FAM114A1: variants seen among roughly 807,000 people sequenced by gnomAD.
The protein encoded by FAM114A1 is family with sequence similarity 114 member A1, also known as protein NOXP20.
In FAM114A1, 62 loss-of-function variants were observed where a neutral mutation model predicts 64.3. The observed-to-expected ratio is 0.96, with a 90% CI of 0.79 to 1.19. The LOEUF is 1.19. FAM114A1 is among the 50% of genes most tolerant of loss of function. The pLI, the probability that FAM114A1 is intolerant of heterozygous loss-of-function variation, is 0.00. For synonymous variants in FAM114A1, 254 were observed against 251.1 expected, an observed-to-expected ratio of 1.01 and a Z score of -0.11; for missense variants, 645 against 676.3, an observed-to-expected ratio of 0.95 and a Z score of 0.51.
chr4:38,937,798 G>A (rs909465378), intron 13 of FAM114A1, among the ~76,000 whole-genome samples: 17 of 152,178 alleles, frequency 1.1e-4, no homozygotes, highest in South Asian at 2.1e-4. Flanking sequence ...GCAGTGGCGC[G>A]ATCTTGGCTC....
chr4:38,939,417 CTATT>C (rs952956544), intron 13 of FAM114A1, among the ~76,000 whole-genome samples: 2 of 152,180 alleles, frequency 1.3e-5, no homozygotes, highest in African/African-American at 4.8e-5. Flanking sequence ...TCTCTAGACT[CTATT>C]TAAATTGCTT....
At position 38,937,756 on chromosome 4, in the gene FAM114A1, A is replaced by G. The variant is rs374123422; in HGVS notation, c.1536+1966A>G. Among the ~76,000 whole-genome samples the G allele has an allele frequency of 7.2e-5, 11 of 152,124 alleles. No homozygotes were observed. In the East Asian group the frequency reaches 1.2e-3, roughly 16 times the overall value. On this transcript the variant is annotated intron_variant, in intron 13 of 14. Coordinates refer to ENST00000358869, the MANE Select transcript of FAM114A1 (RefSeq NM_138389.4). ...GCACACTCTTTTTTTATTTTTTGAA[A>G]CCGTGTCTTGCTCTGTCGCCCAGGC...
chr4:38,886,116 G>A (rs1361168436), intron 3 of FAM114A1, among the ~76,000 whole-genome samples: 1 of 151,884 alleles, frequency 6.6e-6, no homozygotes, highest in African/African-American at 2.4e-5. Flanking sequence ...TAGTGGCACA[G>A]GAGTCTTGCT....
intron 2 of FAM114A1, among the ~76,000 whole-genome samples, chr4:38,871,838 A>G (rs577928636): frequency 1.3e-5 from 2 of 152,342 alleles, no homozygotes; most frequent in East Asian, 1.9e-4. Flanking sequence ...TATAAGCTCA[A>G]GGAAGTCCTA....
At chr4:38,941,141 A>G in intron 14 of FAM114A1, 120 bp downstream of exon 14, 1 of 877,600 alleles carries the variant, frequency 1.1e-6, no homozygotes, top group Non-Finnish European at 1.8e-6. Context: ...TCTCATCATC[A>G]GGTCTTTTTT....
At chr4:38,921,043 C>T (rs538565592) in intron 8 of FAM114A1, among the ~76,000 whole-genome samples, 12 of 152,312 alleles carry the variant, frequency 7.9e-5, no homozygotes, top group South Asian at 6.2e-4. Flanking sequence ...TCAGTTATCC[C>T]GATGTGCTCA....
At chr4:38,877,710 A>G (rs1714784869) in intron 2 of FAM114A1, among the ~76,000 whole-genome samples, 1 of 152,200 alleles carries the variant, frequency 6.6e-6, no homozygotes, top group African/African-American at 2.4e-5. Context: ...CACGCCTGTA[A>G]TCCCAGCACT....
chr4:38,878,306 C>G lies in FAM114A1; in HGVS notation c.228C>G (p.Asn76Lys). ...CCCCTGTGCAGCCTCAGGATGCCAA[C>G]GCCCTGGAGCCCCCTCTCAATGGAG... ...IGPPVQPQDA[N>K]ALEPPLNGDV... Residue 76 changes from asparagine (N) to lysine (K), a missense_variant, in exon 3 of 15, where the codon AAC becomes AAG. Physicochemically the swap from Asn to Lys is moderately conservative, Grantham distance 94 (BLOSUM62 0). Transcript: ENST00000358869. The G allele has an allele frequency of 6.2e-7, 1 of 1,614,258 alleles. No homozygotes were observed. Among genetic ancestry groups the G allele is most frequent in the South Asian group, 1.1e-5 (1 of 91,090 alleles).
chr4:38,885,025 A>G (rs1386840009), intron 3 of FAM114A1, among the ~76,000 whole-genome samples: 1 of 152,202 alleles, frequency 6.6e-6, no homozygotes, highest in African/African-American at 2.4e-5. Flanking sequence ...GCCAGGCTGG[A>G]GTGCAGTGGC....
At position 38,908,707 on chromosome 4, in the gene FAM114A1, G is replaced by C; in HGVS notation, c.773G>C (p.Arg258Thr). ...GFKRTKTLME[R>T]TVSLSQMLRE... ...AAGCGGACCAAGACGCTCATGGAGA[G>C]AACTGTTTCCTTGTCTCAGGTTGGA... Residue 258 changes from arginine (R) to threonine (T), a missense_variant, in exon 7 of 15, where the codon AGA becomes ACA. Transcript: ENST00000358869. 6.8e-6 allele frequency: 11 copies of C among 1,606,102 alleles called. No individual in the cohort carries two copies. Among genetic ancestry groups the C allele is most frequent in the Non-Finnish European group, 9.4e-6 (11 of 1,174,084 alleles).
chr4:38,941,145 C>G (rs1721554549), intron 14 of FAM114A1, 124 bp downstream of exon 14: 1 of 818,858 alleles, frequency 1.2e-6, no homozygotes, highest in African/African-American at 1.8e-5. Flanking sequence ...ATCATCAGGT[C>G]TTTTTTGAGT....
intron 2 of FAM114A1, among the ~76,000 whole-genome samples, chr4:38,873,674 A>G (rs1209470919): frequency 6.6e-6 from 1 of 152,240 alleles, no homozygotes; most frequent in South Asian, 2.1e-4. Flanking sequence ...TTCAATGTGC[A>G]AAAGAACAAC....
chr4:38,938,155 G>A (rs1053654031), intron 13 of FAM114A1, among the ~76,000 whole-genome samples: 1 of 152,192 alleles, frequency 6.6e-6, no homozygotes, highest in South Asian at 2.1e-4. Flanking sequence ...TAGCTCATCA[G>A]CATGGGTCAC....
intron 12 of FAM114A1, 136 bp from the exon 13 acceptor site, chr4:38,935,582 A>G (rs1435008003): frequency 1.8e-6 from 1 of 541,244 alleles, no homozygotes; most frequent in East Asian, 3.2e-5. Flanking sequence ...CTGACTGCAC[A>G]TTTCTGTAGA....
chr4:38,937,798 G>C (rs909465378), intron 13 of FAM114A1, among the ~76,000 whole-genome samples: 1 of 152,060 alleles, frequency 6.6e-6, no homozygotes, highest in East Asian at 1.9e-4. Flanking sequence ...GCAGTGGCGC[G>C]ATCTTGGCTC....
intron 9 of FAM114A1, 144 bp downstream of exon 9, chr4:38,923,037 T>A: frequency 1.0e-6 from 1 of 970,218 alleles, no homozygotes; most frequent in Non-Finnish European, 1.5e-6. Context: ...CTGCTCTTGT[T>A]ACAGGAGCTG....
At chr4:38,915,744 GGTGTGTGTGTGT>G (rs58018099) in intron 8 of FAM114A1, among the ~76,000 whole-genome samples, 4,430 of 139,194 alleles carry the variant, frequency 0.032, 145 homozygotes, top group East Asian at 0.13. Flanking sequence ...CATCTATAGT[GGTGTGTGTGTGT>G]GTGTGTGTGT....
chr4:38,911,520 G>A (rs1048009737), intron 7 of FAM114A1, among the ~76,000 whole-genome samples: 5 of 152,222 alleles, frequency 3.3e-5, no homozygotes, highest in Admixed American at 1.3e-4. Context: ...ATCTAAACAA[G>A]AGATAATGGT....
At chr4:38,919,498 G>A (rs1176421119) in intron 8 of FAM114A1, among the ~76,000 whole-genome samples, 2 of 152,190 alleles carry the variant, frequency 1.3e-5, no homozygotes, top group African/African-American at 4.8e-5. Context: ...CACAGCCTAG[G>A]GAAGAGTTCC....
Sources: gnomAD v4.1 joint callset for allele counts (sites outside exome capture counted in the v4.1 genomes callset) on GRCh38, gnomAD v4.1.1 for gene constraint, MANE v1.5 for transcripts, NCBI Gene and HGNC (gene_info 2026-07-23, HGNC 2026-07-21) for gene names.